SYT17: variants seen among roughly 807,000 people sequenced by gnomAD.
SYT17 encodes the protein synaptotagmin 17.
Under a neutral mutation model 46.7 loss-of-function variants are expected in SYT17, and 22 were observed. The ratio of observed to expected loss-of-function variants is 0.47; its 90% confidence interval spans 0.34 to 0.67. The LOEUF is 0.67. Among genes scored for constraint, SYT17 ranks in the 30% least tolerant of loss-of-function variants. SYT17 has a pLI of 0.01. For missense variants in SYT17, 519 were observed against 612.8 expected (o/e 0.85, Z 1.62); for synonymous variants, 251 against 248.4 (o/e 1.01, Z -0.10).
chr16:19,236,016 GAA>G (rs1966842849), intron 7 of SYT17, among the ~76,000 whole-genome samples: 1 of 152,108 alleles, frequency 6.6e-6, no homozygotes, highest in Non-Finnish European at 1.5e-5. Flanking sequence ...AAGGAAAGAA[GAA>G]AAAACAGTGG....
chr16:19,255,439 C>A (rs1175526414), intron 7 of SYT17, among the ~76,000 whole-genome samples: 1 of 152,076 alleles, frequency 6.6e-6, no homozygotes, highest in Non-Finnish European at 1.5e-5. Flanking sequence ...ACATGACAAT[C>A]AAAAATGCCT....
chr16:19,181,022 A>G (rs1452802549), intron 4 of SYT17, among the ~76,000 whole-genome samples: 2 of 152,200 alleles, frequency 1.3e-5, no homozygotes, highest in African/African-American at 2.4e-5. Context: ...ACTTCGGTCA[A>G]TTGAAAAGCA....
At chr16:19,231,800 C>G (rs1966702704) in intron 7 of SYT17, among the ~76,000 whole-genome samples, 1 of 152,172 alleles carries the variant, frequency 6.6e-6, no homozygotes, top group Non-Finnish European at 1.5e-5. Flanking sequence ...ATGTATTCGA[C>G]AGAGAACCAG....
chr16:19,174,022 G>A (rs1027863863), intron 3 of SYT17, among the ~76,000 whole-genome samples: 2 of 152,250 alleles, frequency 1.3e-5, no homozygotes, highest in Non-Finnish European at 2.9e-5. Context: ...GTAAAAGCTC[G>A]ATAAATATCC....
chr16:19,191,257 G>A (rs1028790389), intron 5 of SYT17, among the ~76,000 whole-genome samples: 1 of 152,150 alleles, frequency 6.6e-6, no homozygotes, highest in Non-Finnish European at 1.5e-5. Flanking sequence ...ATGGTCTGAA[G>A]TTTTCCTAAA....
At chr16:19,180,169 G>A in intron 3 of SYT17, 1 of 534,542 alleles carries the variant, frequency 1.9e-6, no homozygotes, top group Non-Finnish European at 3.4e-6. Flanking sequence ...TTGACAGATT[G>A]TTCTAAATTG....
intron 5 of SYT17, among the ~76,000 whole-genome samples, chr16:19,209,570 C>T (rs1965811090): frequency 6.6e-6 from 1 of 152,274 alleles, no homozygotes; most frequent in African/African-American, 2.4e-5. Flanking sequence ...ATTGCACTCA[C>T]ATAGAAAGTC....
At chr16:19,215,880 G>T (rs1474648809) in intron 5 of SYT17, among the ~76,000 whole-genome samples, 1 of 152,206 alleles carries the variant, frequency 6.6e-6, no homozygotes, top group African/African-American at 2.4e-5. Flanking sequence ...AGAAGGCAAG[G>T]AGAGCAAGTC....
intron 7 of SYT17, among the ~76,000 whole-genome samples, chr16:19,257,768 C>T (rs1388766314): frequency 2.0e-5 from 3 of 152,012 alleles, no homozygotes; most frequent in Admixed American, 6.6e-5. Context: ...GGTAGATCGC[C>T]GGGTACAGTG....
intron 7 of SYT17, among the ~76,000 whole-genome samples, chr16:19,251,850 G>A (rs371645479): frequency 1.5e-4 from 23 of 152,214 alleles, no homozygotes; most frequent in East Asian, 7.7e-4. Context: ...AAGGGATTGC[G>A]CATACACAGG....
intron 4 of SYT17, among the ~76,000 whole-genome samples, chr16:19,182,194 A>T (rs4627325): frequency 3.9e-5 from 6 of 152,028 alleles, no homozygotes; most frequent in South Asian, 4.1e-4. Flanking sequence ...GCAGGCAGAT[A>T]GCTTGAGGCC....
intron 7 of SYT17, among the ~76,000 whole-genome samples, chr16:19,254,099 T>C (rs1389164010): frequency 1.3e-5 from 2 of 152,170 alleles, no homozygotes; most frequent in African/African-American, 4.8e-5. Context: ...AATAACTGCA[T>C]GTAGAGGTCC....
chr16:19,242,857 A>G (rs1387400499), intron 7 of SYT17, among the ~76,000 whole-genome samples: 2 of 152,144 alleles, frequency 1.3e-5, no homozygotes, highest in African/African-American at 4.8e-5. Flanking sequence ...TTGAACACCC[A>G]TAGTGTGCCT....
Position 19,168,390 on chromosome 16 carries a change from C to A in SYT17, c.-257C>A. 1.8e-6 allele frequency: 1 copy of A among 554,150 alleles called. No individual in the cohort carries two copies. The highest frequency in any genetic ancestry group is 3.2e-6 in the Non-Finnish European group (1 of 316,576). 34.3% of individuals were successfully genotyped at this position (554,150 alleles called of 1,614,324 possible). On this transcript the variant is annotated 5_prime_UTR_variant, in exon 1 of 8. Coordinates refer to ENST00000355377, the MANE Select transcript of SYT17 (RefSeq NM_016524.4). The surrounding 1 kb of genome is among the most constrained non-coding windows in gnomAD (Gnocchi z 6.9). ...CACGGGACAGCGAGGGAGGCCGAGG[C>A]GGGGGCCCTGGGCGCCCGATATCTC...
chr16:19,210,754 CTT>C (rs1383116346), intron 5 of SYT17, among the ~76,000 whole-genome samples: 1 of 152,194 alleles, frequency 6.6e-6, no homozygotes, highest in African/African-American at 2.4e-5. Flanking sequence ...AGACAATAGA[CTT>C]TATCCAACCG....
chr16:19,230,226 G>A (rs1464265875), intron 7 of SYT17, among the ~76,000 whole-genome samples: 1 of 152,046 alleles, frequency 6.6e-6, no homozygotes, highest in African/African-American at 2.4e-5. Flanking sequence ...TGGCCAATAT[G>A]GTGAAACCCC....
intron 3 of SYT17, among the ~76,000 whole-genome samples, chr16:19,177,188 G>T (rs1053506494): frequency 1.3e-5 from 2 of 152,146 alleles, no homozygotes; most frequent in Non-Finnish European, 2.9e-5. Context: ...ACTTCTTTTG[G>T]TTTTGCCACT....
Position 19,267,224 on chromosome 16 carries a change from A to C in SYT17, c.*148A>C. ...ACACACAGACACACAGATACCCCAA[A>C]TCCTCTCAGAACTGAGAGGAAGCTG... is the stretch of plus-strand genomic sequence containing the variant. On this transcript the variant is annotated 3_prime_UTR_variant, in exon 8 of 8. Coordinates refer to ENST00000355377, the MANE Select transcript of SYT17 (RefSeq NM_016524.4). 5.6e-5 allele frequency: 38 copies of C among 676,146 alleles called. No individual in the cohort carries two copies. The highest frequency in any genetic ancestry group is 6.3e-5 in the Admixed American group (2 of 31,546). 41.9% of individuals were successfully genotyped at this position (676,146 alleles called of 1,614,324 possible). A position where few individuals can be genotyped will look rare whatever the true frequency, so the allele number is the denominator to read the frequency against.
chr16:19,247,222 T>C (rs1967643857), intron 7 of SYT17, among the ~76,000 whole-genome samples: 1 of 152,172 alleles, frequency 6.6e-6, no homozygotes, highest in Non-Finnish European at 1.5e-5. Context: ...TTCAGTCAAT[T>C]AGTTGAAGAG....
Sources: gnomAD v4.1 joint callset for allele counts (sites outside exome capture counted in the v4.1 genomes callset) on GRCh38, gnomAD v4.1.1 for gene constraint, Gnocchi (gnomAD v3.1) non-coding constraint, MANE v1.5 for transcripts, NCBI Gene and HGNC (gene_info 2026-07-23, HGNC 2026-07-21) for gene names.